Variants in WDR7 observed in about 807,000 individuals in gnomAD.
The protein encoded by WDR7 is WD repeat domain 7.
In WDR7, 46 loss-of-function variants were observed where a neutral mutation model predicts 169.4. The observed-to-expected ratio is 0.27, with a 90% CI of 0.21 to 0.35. WDR7 has a LOEUF of 0.35. Among genes scored for constraint, WDR7 ranks in the 10% least tolerant of loss-of-function variants. WDR7 has a pLI of 1.00. For missense variants in WDR7, 1,534 were observed against 1,859.3 expected (o/e 0.83, Z 3.22); for synonymous variants, 612 against 666.8 (o/e 0.92, Z 1.27).
At chr18:56,862,783 G>C (rs533828376) in intron 20 of WDR7, among the ~76,000 whole-genome samples, 1 of 151,812 alleles carries the variant, frequency 6.6e-6, no homozygotes, top group South Asian at 2.1e-4. Flanking sequence ...CTTGGAATTG[G>C]ATATTGCTAT....
At chr18:56,736,651 A>G (rs1351355014) in intron 14 of WDR7, among the ~76,000 whole-genome samples, 1 of 151,842 alleles carries the variant, frequency 6.6e-6, no homozygotes, top group Non-Finnish European at 1.5e-5. Context: ...TGGGGTGTGT[A>G]GGTTTAGTAA....
intron 20 of WDR7, among the ~76,000 whole-genome samples, chr18:56,849,330 C>G (rs1221928745): frequency 6.6e-6 from 1 of 152,206 alleles, no homozygotes; most frequent in Admixed American, 6.5e-5. Context: ...ACTCCCAGGA[C>G]ATGGTTCTTT....
At chr18:56,702,082 G>A (rs2025846520) in intron 12 of WDR7, among the ~76,000 whole-genome samples, 1 of 152,148 alleles carries the variant, frequency 6.6e-6, no homozygotes, top group Non-Finnish European at 1.5e-5. Context: ...TGTACCAGTT[G>A]CCTGGGGAAT....
intron 25 of WDR7, among the ~76,000 whole-genome samples, chr18:56,961,740 A>G (rs969737985): frequency 6.6e-6 from 1 of 152,150 alleles, no homozygotes; most frequent in Non-Finnish European, 1.5e-5. Context: ...TCCTTGCTAA[A>G]TCCTATTTTT....
chr18:56,757,981 A>T (rs2043922889), intron 15 of WDR7, among the ~76,000 whole-genome samples: 4 of 151,682 alleles, frequency 2.6e-5, no homozygotes, highest in Admixed American at 2.6e-4. Context: ...AAAAAAAAAA[A>T]TGTATATTTC....
Position 56,776,880 on chromosome 18 carries a change from G to C in WDR7, c.2947G>C (p.Gly983Arg). 1.2e-6 allele frequency: 2 copies of C among 1,611,966 alleles called. No homozygotes were observed. The highest frequency in any genetic ancestry group is 1.7e-6 in the Non-Finnish European group (2 of 1,178,382). ...ALHTCFLVNE[G>R]WSQLAAMHCV... ...ACATACCTGTTTCTTAGTAAATGAA[G>C]GTATCTCTCTCAACTTCTAACAACT... Residue 983 changes from glycine to arginine, a missense_variant and splice_region_variant, in exon 17 of 28, where the codon GGT (glycine) becomes CGT (arginine). Gly to Arg is a moderately radical substitution (Grantham distance 125, BLOSUM62 -2). Coordinates refer to ENST00000254442, the MANE Select transcript of WDR7 (RefSeq NM_015285.3).
intron 20 of WDR7, 115 bp from the exon 21 acceptor site, chr18:56,879,829 C>T (rs1400983407): frequency 1.3e-6 from 1 of 758,152 alleles, no homozygotes; most frequent in African/African-American, 1.8e-5. Flanking sequence ...TGTCCTAGTG[C>T]CATTTGCTGA....
At chr18:56,998,066 G>A (rs1020362764) in intron 26 of WDR7, among the ~76,000 whole-genome samples, 4 of 152,174 alleles carry the variant, frequency 2.6e-5, no homozygotes, top group South Asian at 4.1e-4. Flanking sequence ...AAGCAAAGGA[G>A]TGAAGACAAA....
chr18:56,877,861 G>A (rs898301863), intron 20 of WDR7, among the ~76,000 whole-genome samples: 1 of 152,102 alleles, frequency 6.6e-6, no homozygotes, highest in African/African-American at 2.4e-5. Context: ...CACAGTCCAT[G>A]GTGGGCTTTG....
At chr18:56,712,134 C>T (rs1353128929) in intron 12 of WDR7, among the ~76,000 whole-genome samples, 1 of 152,128 alleles carries the variant, frequency 6.6e-6, no homozygotes, top group Non-Finnish European at 1.5e-5. Flanking sequence ...TAAAAAATAT[C>T]TATTATTTAC....
At chr18:56,688,260 A>C (rs1247635603) in intron 7 of WDR7, among the ~76,000 whole-genome samples, 1 of 152,094 alleles carries the variant, frequency 6.6e-6, no homozygotes, top group East Asian at 1.9e-4. Flanking sequence ...ACACAAGGGG[A>C]TGGGCCATAT....
At chr18:56,973,930 A>G (rs1230332477) in intron 26 of WDR7, among the ~76,000 whole-genome samples, 1 of 152,204 alleles carries the variant, frequency 6.6e-6, no homozygotes, top group Non-Finnish European at 1.5e-5. Context: ...ATATAAAATG[A>G]TGTATGTCCT....
At chr18:56,927,847 C>T (rs1046478079) in intron 22 of WDR7, among the ~76,000 whole-genome samples, 10 of 152,254 alleles carry the variant, frequency 6.6e-5, no homozygotes, top group Non-Finnish European at 1.0e-4. Context: ...GTCTTCAAGA[C>T]AGTTGCAGTC....
At chr18:56,865,466 T>C (rs1356923365) in intron 20 of WDR7, among the ~76,000 whole-genome samples, 2 of 152,150 alleles carry the variant, frequency 1.3e-5, no homozygotes, top group Admixed American at 6.5e-5. Flanking sequence ...CACAGTAAAC[T>C]TCAGAAATGA....
intron 21 of WDR7, among the ~76,000 whole-genome samples, chr18:56,885,783 C>T (rs1328274676): frequency 9.3e-5 from 14 of 150,580 alleles, no homozygotes; most frequent in East Asian, 3.9e-4. Context: ...GCCGAGATCA[C>T]GCCACTGCAC....
At chr18:56,909,911 G>T (rs1440973175) in intron 21 of WDR7, among the ~76,000 whole-genome samples, 1 of 152,054 alleles carries the variant, frequency 6.6e-6, no homozygotes, top group Non-Finnish European at 1.5e-5. Flanking sequence ...AAGGTATGAG[G>T]CAACTAATTG....
At chr18:56,932,991 G>C (rs1040587457) in intron 22 of WDR7, among the ~76,000 whole-genome samples, 1 of 152,140 alleles carries the variant, frequency 6.6e-6, no homozygotes, top group African/African-American at 2.4e-5. Flanking sequence ...AGAACTTAGA[G>C]GTAATGGTGA....
intron 23 of WDR7, 69 bp from the exon 24 acceptor site, chr18:56,938,464 T>C (rs1033260399): frequency 3.2e-6 from 5 of 1,561,166 alleles, no homozygotes; most frequent in Non-Finnish European, 4.3e-6. Flanking sequence ...AAGTAAAAAA[T>C]AAACCATGGC....
intron 12 of WDR7, among the ~76,000 whole-genome samples, chr18:56,697,154 C>T (rs150280580): frequency 2.0e-4 from 30 of 152,294 alleles, no homozygotes; most frequent in African/African-American, 6.5e-4. Flanking sequence ...AACACTCACT[C>T]ATTTGTTTGC....
Sources: allele counts gnomAD v4.1 joint callset (sites outside exome capture counted in the v4.1 genomes callset), GRCh38; gene constraint gnomAD v4.1.1; transcripts MANE v1.5; gene names NCBI Gene and HGNC (gene_info 2026-07-23, HGNC 2026-07-21).